Variants in GNAL observed in about 807,000 individuals in gnomAD.
GNAL encodes the protein guanine nucleotide-binding protein G(olf) subunit alpha.
GNAL carries 18 observed loss-of-function variants against 55.1 expected under a neutral mutation model. That is an observed-to-expected ratio of 0.33 (90% CI 0.23 to 0.48). The LOEUF (loss-of-function observed/expected upper bound fraction) is 0.48. Among genes scored for constraint, GNAL ranks in the 20% least tolerant of loss-of-function variants. GNAL has a pLI of 0.99. For missense variants in GNAL, 412 were observed against 614.1 expected, an observed-to-expected ratio of 0.67 and a Z score of 3.48; for synonymous variants, 253 against 237.0, an observed-to-expected ratio of 1.07 and a Z score of -0.62.
chr18:11,708,658 A>G (rs2031769041), intron 1 of GNAL, among the ~76,000 whole-genome samples: 1 of 152,248 alleles, frequency 6.6e-6, no homozygotes, highest in South Asian at 2.1e-4. Context: ...ATTTGTATAA[A>G]TGCAATATCT....
At chr18:11,735,603 T>C (rs1354633356) in intron 1 of GNAL, among the ~76,000 whole-genome samples, 1 of 151,534 alleles carries the variant, frequency 6.6e-6, no homozygotes. Flanking sequence ...CTATAAAAAG[T>C]TGGCCAGGTG....
intron 1 of GNAL, among the ~76,000 whole-genome samples, chr18:11,727,426 C>A (rs916332159): frequency 6.6e-6 from 1 of 152,148 alleles, no homozygotes; most frequent in Non-Finnish European, 1.5e-5. Context: ...GGGCAAGAGA[C>A]CCCTCTCTAC....
intron 9 of GNAL, among the ~76,000 whole-genome samples, chr18:11,869,501 C>A (rs2036345234): frequency 6.6e-6 from 1 of 152,174 alleles, no homozygotes; most frequent in South Asian, 2.1e-4. Context: ...ATTTAAGTCT[C>A]TGTTTTGAAA....
intron 1 of GNAL, among the ~76,000 whole-genome samples, chr18:11,722,885 C>T (rs2032127581): frequency 6.6e-6 from 1 of 152,152 alleles, no homozygotes. Context: ...GTGGCGCATG[C>T]CTATAATCCC....
chr18:11,842,140 T>TTTTGTATATG (rs1360974657), intron 5 of GNAL, among the ~76,000 whole-genome samples: 1 of 151,828 alleles, frequency 6.6e-6, no homozygotes, highest in East Asian at 1.9e-4. Context: ...GCCCAGTTAA[T>TTTTGTATATG]TTTGTATATG....
At chr18:11,873,854 G>T (rs1448672225) in intron 10 of GNAL, among the ~76,000 whole-genome samples, 3 of 152,064 alleles carry the variant, frequency 2.0e-5, no homozygotes, top group African/African-American at 7.2e-5. Context: ...GCGGCCGGGG[G>T]GTCCTTCCAA....
At chr18:11,763,166 G>A (rs905628621) in intron 4 of GNAL, among the ~76,000 whole-genome samples, 5 of 152,166 alleles carry the variant, frequency 3.3e-5, no homozygotes, top group Non-Finnish European at 7.4e-5. Context: ...TACAAAAGAA[G>A]TACCGAATAC....
Position 11,868,671 on chromosome 18 carries a change from A to G in GNAL, c.1031+8A>G. On this transcript the variant is annotated splice_region_variant and intron_variant, in intron 9 of 11. Coordinates refer to ENST00000334049, the MANE Select transcript of GNAL (RefSeq NM_182978.4). The surrounding 1 kb of genome is among the most constrained non-coding windows in gnomAD (Gnocchi z 4.0). ...AAGCATCTGGAACAACAGGTGACAAAAATAGCAAATTCAGTCTTACCATTG... is the reference window on the plus strand; with the variant it reads ...AAGCATCTGGAACAACAGGTGACAAGAATAGCAAATTCAGTCTTACCATTG... 2 of 1,599,222 alleles carry G rather than the reference A, an allele frequency of 1.3e-6. No individual in the cohort carries two copies. Among genetic ancestry groups the G allele is most frequent in the Non-Finnish European group, 1.7e-6 (2 of 1,175,328 alleles).
At chr18:11,704,854 G>A (rs1475689028) in intron 1 of GNAL, among the ~76,000 whole-genome samples, 1 of 151,922 alleles carries the variant, frequency 6.6e-6, no homozygotes, top group African/African-American at 2.4e-5. Context: ...TATTTAAAGT[G>A]TGCAGTTTGG....
intron 1 of GNAL, among the ~76,000 whole-genome samples, chr18:11,748,134 T>C (rs952837291): frequency 6.6e-6 from 1 of 152,186 alleles, no homozygotes; most frequent in Admixed American, 6.5e-5. Flanking sequence ...GGGTTAAAAA[T>C]TTTTTTAAGG....
chr18:11,751,509 G>A lies in GNAL; in HGVS notation c.377-1344G>A. ...GAGCAGAACAAAGGCGGTGTGACTG[G>A]TGAGCCTCGGAGGGATCCTCCTCCC... On this transcript the variant is annotated intron_variant, in intron 1 of 11. Transcript: ENST00000334049. This position sits in a 1 kb window ranked among gnomAD's most constrained non-coding sequence, Gnocchi z 4.5. The A allele has an allele frequency of 1.0e-6, 1 of 985,538 alleles. No homozygotes were observed. Among genetic ancestry groups the A allele is most frequent in the Non-Finnish European group, 1.2e-6 (1 of 829,992 alleles). The allele number at this position is 985,538 out of a possible 1,614,324, so 61.0% of individuals were successfully genotyped here.
intron 5 of GNAL, chr18:11,851,369 A>T: frequency 1.8e-6 from 2 of 1,103,122 alleles, no homozygotes; most frequent in Non-Finnish European, 2.5e-6. Context: ...CTGGGCTCTG[A>T]CGTCACCACC....
intron 1 of GNAL, among the ~76,000 whole-genome samples, chr18:11,744,871 C>T (rs1056759146): frequency 6.6e-6 from 1 of 152,072 alleles, no homozygotes; most frequent in African/African-American, 2.4e-5. Context: ...CCACCATGCC[C>T]GGTTAACTTT....
At chr18:11,783,580 T>C (rs989225932) in intron 4 of GNAL, among the ~76,000 whole-genome samples, 1 of 152,124 alleles carries the variant, frequency 6.6e-6, no homozygotes, top group African/African-American at 2.4e-5. Context: ...TGACCAAACA[T>C]AGAAAATAGA....
At chr18:11,794,229 A>G (rs1270864962) in intron 4 of GNAL, among the ~76,000 whole-genome samples, 2 of 152,238 alleles carry the variant, frequency 1.3e-5, no homozygotes, top group African/African-American at 4.8e-5. Flanking sequence ...TACCAAATGA[A>G]CCAGCAATCC....
chr18:11,867,658 C>G (rs1286185504), intron 8 of GNAL, among the ~76,000 whole-genome samples: 1 of 151,592 alleles, frequency 6.6e-6, no homozygotes. Flanking sequence ...ACTAAAAATA[C>G]AAAAAATTAG....
At chr18:11,813,227 CTCTGGCGACAGGGTGAGACT>C in intron 4 of GNAL, among the ~76,000 whole-genome samples, 1 of 142,878 alleles carries the variant, frequency 7.0e-6, no homozygotes, top group East Asian at 2.0e-4. Flanking sequence ...TGCACTCCAG[CTCTGGCGACAGGGTGAGACT>C]CCATCTTAAA....
intron 9 of GNAL, among the ~76,000 whole-genome samples, chr18:11,869,234 C>G (rs12961662): frequency 6.6e-6 from 1 of 152,050 alleles, no homozygotes; most frequent in African/African-American, 2.4e-5. Context: ...AGCTCCACCT[C>G]CCGGGTTCAT....
At position 11,804,770 on chromosome 18, in the gene GNAL, A is replaced by G. The variant is rs111372580; in HGVS notation, c.625-20148A>G. 3.6e-4 allele frequency among the ~76,000 whole-genome samples: 41 copies of G among 112,438 alleles called. 2 individuals are homozygous for G. The highest frequency in any genetic ancestry group is 1.9e-3 in the East Asian group (7 of 3,652). The allele number at this position is 112,438 out of a possible 152,430, so 73.8% of individuals were successfully genotyped here. Reference sequence around the variant, plus strand: ...CTGTGTAGTGGTGAAGTACAGGTGCAGTTTGAGTGGAACACGGAGATACTG... The same window carrying G: ...CTGTGTAGTGGTGAAGTACAGGTGCGGTTTGAGTGGAACACGGAGATACTG... On this transcript the variant is annotated intron_variant, in intron 4 of 11. Transcript: ENST00000334049.
Sources: allele counts gnomAD v4.1 joint callset (sites outside exome capture counted in the v4.1 genomes callset), GRCh38; gene constraint gnomAD v4.1.1; non-coding constraint Gnocchi (gnomAD v3.1); transcripts MANE v1.5; gene names NCBI Gene and HGNC (gene_info 2026-07-23, HGNC 2026-07-21).